Variants in DPT observed in about 807,000 individuals in gnomAD.
DPT encodes dermatopontin.
DPT carries 21 observed loss-of-function variants against 31.2 expected under a neutral mutation model. The ratio of observed to expected loss-of-function variants is 0.67; its 90% confidence interval spans 0.48 to 0.97. DPT has a LOEUF of 0.97. Among genes scored for constraint, DPT ranks in the 50% least tolerant of loss-of-function variants. The pLI is 0.00. For missense variants in DPT, 262 were observed against 258.8 expected (o/e 1.01, Z -0.08); for synonymous variants, 91 against 86.9 (o/e 1.05, Z -0.26).
intron 1 of DPT, among the ~76,000 whole-genome samples, chr1:168,718,751 G>T (rs553524341): frequency 1.2e-4 from 19 of 152,322 alleles, no homozygotes; most frequent in Middle Eastern, 6.8e-3. Context: ...ATGTATTAAA[G>T]TTATCGTGAA....
chr1:168,703,510 C>A (rs912889644), intron 2 of DPT, among the ~76,000 whole-genome samples: 1 of 152,198 alleles, frequency 6.6e-6, no homozygotes, highest in African/African-American at 2.4e-5. Context: ...GTCCGAGAAG[C>A]CTCTCCATGA....
rs1471433458 is a variant in DPT, at chr1:168,695,939, C to G, written c.*610G>C. 5 of 372,888 alleles carry G rather than the reference C, an allele frequency of 1.3e-5. No individual in the cohort carries two copies. In the Admixed American group the frequency reaches 2.3e-4, roughly 17 times the overall value. The allele number at this position is 372,888 out of a possible 1,614,324, so 23.1% of individuals were successfully genotyped here. On this transcript the variant is annotated 3_prime_UTR_variant, in exon 4 of 4. Transcript: ENST00000367817. ...TCTAATTCAGGAAATCCTTCCAACCCTGTTTTCAGCTCTGCCTCCAAACCC... is the reference window on the plus strand; with the variant it reads ...TCTAATTCAGGAAATCCTTCCAACCGTGTTTTCAGCTCTGCCTCCAAACCC...
At chr1:168,713,252 C>G (rs2101906190) in intron 2 of DPT, among the ~76,000 whole-genome samples, 1 of 152,346 alleles carries the variant, frequency 6.6e-6, no homozygotes, top group Non-Finnish European at 1.5e-5. Context: ...TCTGCTCCAT[C>G]ATACAGTGAC....
chr1:168,722,849 A>AAC (rs10585221), intron 1 of DPT, among the ~76,000 whole-genome samples: 6,597 of 149,720 alleles, frequency 0.044, 201 homozygotes, highest in African/African-American at 0.084. Context: ...CCCTCAAAGA[A>AAC]ACACACACAC....
chr1:168,706,301 T>A (rs1057397024), intron 2 of DPT, among the ~76,000 whole-genome samples: 3 of 152,216 alleles, frequency 2.0e-5, no homozygotes, highest in Non-Finnish European at 4.4e-5. Context: ...AAGATGTCCC[T>A]TTCTGACAGT....
chr1:168,701,225 C>T (rs1649589766), intron 2 of DPT, 101 bp from the exon 3 acceptor site: 4 of 907,176 alleles, frequency 4.4e-6, no homozygotes, highest in Admixed American at 1.9e-5. Flanking sequence ...TTTGAGCATC[C>T]TGGCAAATCC....
intron 1 of DPT, among the ~76,000 whole-genome samples, chr1:168,724,204 C>T (rs141718797): frequency 2.0e-5 from 3 of 152,268 alleles, no homozygotes; most frequent in East Asian, 1.9e-4. Context: ...CATGTTTTAG[C>T]GATCCTTAAG....
rs1004096701 is a variant in DPT at position 168,696,110 on chromosome 1, C to A, written c.*439G>T. The stretch of plus-strand genomic sequence containing the variant: ...AGAAAGCCTGCTTTTGGTGGGGAAC[C>A]TACGTATCATTCAAACAGGCTTAGC... On this transcript the variant is annotated 3_prime_UTR_variant, in exon 4 of 4. Transcript: ENST00000367817. The A allele has an allele frequency of 9.7e-5, 39 of 402,962 alleles. No individual in the cohort carries two copies. The highest frequency in any genetic ancestry group is 1.5e-4 in the Non-Finnish European group (34 of 228,944). 25.0% of individuals were successfully genotyped at this position (402,962 alleles called of 1,614,324 possible). A position where few individuals can be genotyped will look rare whatever the true frequency, so the allele number is the denominator to read the frequency against.
At chr1:168,710,813 C>T (rs960836573) in intron 2 of DPT, among the ~76,000 whole-genome samples, 3 of 152,032 alleles carry the variant, frequency 2.0e-5, no homozygotes, top group Admixed American at 6.5e-5. Context: ...ACACAAAGAC[C>T]TGTCTTTTTC....
chr1:168,722,737 G>A (rs1401668803), intron 1 of DPT, among the ~76,000 whole-genome samples: 1 of 152,108 alleles, frequency 6.6e-6, no homozygotes, highest in Non-Finnish European at 1.5e-5. Context: ...GAGTATTTCG[G>A]AGTTGAGACG....
At chr1:168,714,616 G>A (rs976486716) in intron 1 of DPT, among the ~76,000 whole-genome samples, 1 of 152,144 alleles carries the variant, frequency 6.6e-6, no homozygotes, top group African/African-American at 2.4e-5. Context: ...TTAGATGGAA[G>A]CCTGCATAAA....
Position 168,728,941 on chromosome 1 carries a change from C to G in DPT, c.234G>C (p.Met78Ile). Residue 78 changes from methionine to isoleucine, a missense_variant, in exon 1 of 4, where the codon ATG becomes ATC. Coordinates refer to ENST00000367817, the MANE Select transcript of DPT (RefSeq NM_001937.5). ...GTTCCCCGAGGCTCTGTGGCGTGGG[C>G]ATGCAGGCGTAGTTCCATTGTCTGT... ...GSDRQWNYAC[M>I]PTPQSLGEPT... The G allele has an allele frequency of 6.2e-7, 1 of 1,614,226 alleles. No homozygotes were observed. The highest frequency in any genetic ancestry group is 8.5e-7 in the Non-Finnish European group (1 of 1,180,044).
intron 3 of DPT, among the ~76,000 whole-genome samples, chr1:168,696,841 G>A (rs1649479760): frequency 6.6e-6 from 1 of 152,190 alleles, no homozygotes; most frequent in African/African-American, 2.4e-5. Flanking sequence ...CTGGCTGTGT[G>A]GAGGCCTCTG....
intron 2 of DPT, among the ~76,000 whole-genome samples, chr1:168,713,615 A>G (rs1649913593): frequency 6.6e-6 from 1 of 152,250 alleles, no homozygotes; most frequent in Admixed American, 6.5e-5. Context: ...CTCCTAGTCA[A>G]TTGGAAGGCT....
intron 2 of DPT, among the ~76,000 whole-genome samples, chr1:168,703,630 G>C (rs546051512): frequency 1.3e-5 from 2 of 152,262 alleles, no homozygotes; most frequent in East Asian, 3.9e-4. Context: ...GTGACTTTTG[G>C]TTGTTGTTAT....
rs112929048 is a variant in DPT, at chr1:168,705,692, C to T, written c.432-4568G>A. On this transcript the variant is annotated intron_variant, in intron 2 of 3. Transcript: ENST00000367817. ...TTCTATTTCTCTACCACTCAATTAG[C>T]ACATTACTTTAAATATCCCATTCAA... is the stretch of plus-strand genomic sequence containing the variant. Among the ~76,000 whole-genome samples, 201 of 152,328 alleles carry T rather than the reference C, an allele frequency of 1.3e-3. 1 individual carries two copies. Among genetic ancestry groups the T allele is most frequent in the African/African-American group, 4.6e-3 (191 of 41,572 alleles).
intron 1 of DPT, among the ~76,000 whole-genome samples, chr1:168,716,734 G>A (rs1169056465): frequency 6.6e-6 from 1 of 152,130 alleles, no homozygotes; most frequent in Non-Finnish European, 1.5e-5. Flanking sequence ...GTCCCAGTGT[G>A]TGTTGTTCCC....
At chr1:168,706,870 T>C (rs1036527141) in intron 2 of DPT, among the ~76,000 whole-genome samples, 2 of 152,218 alleles carry the variant, frequency 1.3e-5, no homozygotes, top group African/African-American at 4.8e-5. Flanking sequence ...ACATTCACTT[T>C]GACTCGTGTT....
intron 1 of DPT, among the ~76,000 whole-genome samples, chr1:168,721,371 A>G (rs1348115466): frequency 2.0e-5 from 3 of 152,238 alleles, no homozygotes; most frequent in Non-Finnish European, 2.9e-5. Context: ...CTATATATCA[A>G]GTGTAGCATA....
Sources: allele counts gnomAD v4.1 joint callset (sites outside exome capture counted in the v4.1 genomes callset), GRCh38; gene constraint gnomAD v4.1.1; transcripts MANE v1.5; gene names NCBI Gene and HGNC (gene_info 2026-07-23, HGNC 2026-07-21).